The following GNG12 variants were observed in gnomAD, a reference collection of about 807,000 sequenced individuals.
The protein encoded by GNG12 is guanine nucleotide-binding protein G(I)/G(S)/G(O) subunit gamma-12.
For synonymous variants in GNG12, 28 were observed against 29.7 expected (o/e 0.94, Z 0.19); for missense variants, 69 against 83.8 (o/e 0.82, Z 0.69).
intron 2 of GNG12, 181 bp downstream of exon 2, chr1:67,777,277 A>G (rs1318615291): frequency 2.0e-5 from 3 of 152,350 alleles, no homozygotes; most frequent in African/African-American, 7.2e-5. Context: ...TTACAAAGGA[A>G]CATGGGTTGC....
chr1:67,827,276 C>T lies in GNG12; in HGVS notation c.-77+6068G>A, dbSNP rs139281854. Reference sequence around the variant, plus strand: ...GCATACAGAATACAAAGCCTTCTGACTCTCTGGGCCCAAAGTCACCCACTT... The same window carrying T: ...GCATACAGAATACAAAGCCTTCTGATTCTCTGGGCCCAAAGTCACCCACTT... On this transcript the variant is annotated intron_variant, in intron 1 of 3. Coordinates refer to ENST00000370982, the MANE Select transcript of GNG12 (RefSeq NM_018841.6). Among the ~76,000 whole-genome samples the T allele has an allele frequency of 3.7e-3, 560 of 152,284 alleles. 3 individuals carry two copies. Among genetic ancestry groups the T allele is most frequent in the African/African-American group, 0.013 (542 of 41,562 alleles).
chr1:67,746,920 T>C (rs947339928), intron 2 of GNG12, among the ~76,000 whole-genome samples: 1 of 151,870 alleles, frequency 6.6e-6, no homozygotes, highest in Non-Finnish European at 1.5e-5. Flanking sequence ...GCAAATAATA[T>C]ACTTTAAAAG....
intron 2 of GNG12, among the ~76,000 whole-genome samples, chr1:67,766,861 C>A (rs559757161): frequency 1.3e-5 from 2 of 152,228 alleles, no homozygotes; most frequent in South Asian, 2.1e-4. Context: ...TTCCCCCTCA[C>A]GGAAAGGGTT....
intron 1 of GNG12, among the ~76,000 whole-genome samples, chr1:67,782,405 C>T (rs1646742889): frequency 6.6e-6 from 1 of 152,018 alleles, no homozygotes; most frequent in African/African-American, 2.4e-5. Context: ...AATGGTACAC[C>T]CCGAAAGGTT....
intron 2 of GNG12, among the ~76,000 whole-genome samples, chr1:67,772,935 T>C (rs893035252): frequency 2.6e-5 from 4 of 152,214 alleles, no homozygotes; most frequent in East Asian, 1.9e-4. Flanking sequence ...AGGGAGAGCA[T>C]GTCTGAGAAT....
intron 1 of GNG12, among the ~76,000 whole-genome samples, chr1:67,780,449 TCCC>T (rs1452359219): frequency 6.6e-6 from 1 of 152,148 alleles, no homozygotes; most frequent in Non-Finnish European, 1.5e-5. Context: ...TATTGGTTTC[TCCC>T]CCAACAGGTT....
chr1:67,764,762 G>C (rs1267903462), intron 2 of GNG12, among the ~76,000 whole-genome samples: 1 of 152,128 alleles, frequency 6.6e-6, no homozygotes, highest in African/African-American at 2.4e-5. Context: ...AAGGAAGATG[G>C]GTGTTCATGC....
At chr1:67,718,596 C>A (rs1646339948) in intron 2 of GNG12, among the ~76,000 whole-genome samples, 1 of 152,002 alleles carries the variant, frequency 6.6e-6, no homozygotes, top group Non-Finnish European at 1.5e-5. Flanking sequence ...ACCCCCACCC[C>A]CAACCCATTT....
chr1:67,828,175 G>A (rs1647021940), intron 1 of GNG12, among the ~76,000 whole-genome samples: 1 of 152,174 alleles, frequency 6.6e-6, no homozygotes, highest in African/African-American at 2.4e-5. Context: ...GGGCCTTTGT[G>A]TGCGCTTCAG....
At chr1:67,798,236 C>T (rs947246351) in intron 1 of GNG12, among the ~76,000 whole-genome samples, 4 of 152,084 alleles carry the variant, frequency 2.6e-5, no homozygotes, top group Admixed American at 6.5e-5. Context: ...GTGGACTCAG[C>T]GGCAGCATCA....
chr1:67,749,251 C>T (rs866829362), intron 2 of GNG12, among the ~76,000 whole-genome samples: 1 of 152,150 alleles, frequency 6.6e-6, no homozygotes, highest in African/African-American at 2.4e-5. Context: ...ATGGATAGGT[C>T]GCTTAACCTT....
At chr1:67,773,287 C>A (rs2100757262) in intron 2 of GNG12, among the ~76,000 whole-genome samples, 1 of 152,302 alleles carries the variant, frequency 6.6e-6, no homozygotes, top group Middle Eastern at 3.4e-3. Flanking sequence ...TATTCCCTAT[C>A]ATTCTCGGCA....
Position 67,780,301 on chromosome 1 carries a change from A to C in GNG12, c.-76-2794T>G, listed in dbSNP as rs552994660. Among the ~76,000 whole-genome samples the C allele has an allele frequency of 5.9e-5, 9 of 152,336 alleles. No homozygotes were observed. The South Asian group carries it at 1.7e-3, about 28-fold the overall frequency. On this transcript the variant is annotated intron_variant, in intron 1 of 3. Transcript: ENST00000370982. ...AGGTTACATGGCTTGTAAGTGGCAG[A>C]GTCAAATTGTAAACCCAGACAATTT...
intron 2 of GNG12, among the ~76,000 whole-genome samples, chr1:67,730,487 A>C (rs2100698822): frequency 6.6e-6 from 1 of 152,326 alleles, no homozygotes; most frequent in East Asian, 1.9e-4. Context: ...CCTGGTCAAC[A>C]GAGCAAGACG....
At chr1:67,717,705 G>A (rs1280345215) in intron 2 of GNG12, among the ~76,000 whole-genome samples, 2 of 152,106 alleles carry the variant, frequency 1.3e-5, no homozygotes, top group Admixed American at 1.3e-4. Context: ...ATTGCTTTCT[G>A]AAAAGCATCT....
chr1:67,735,873 A>G (rs3766266), intron 2 of GNG12, among the ~76,000 whole-genome samples: 13,810 of 152,234 alleles, frequency 0.091, 653 homozygotes, highest in Admixed American at 0.11. Context: ...AATAGTTCAG[A>G]CAGAAAGTAT....
At chr1:67,796,696 CA>C (rs1646833280) in intron 1 of GNG12, among the ~76,000 whole-genome samples, 1 of 152,072 alleles carries the variant, frequency 6.6e-6, no homozygotes, top group African/African-American at 2.4e-5. Flanking sequence ...TAGGTAAAGT[CA>C]ATTACTTAAT....
chr1:67,770,635 C>G (rs1646668491), intron 2 of GNG12, among the ~76,000 whole-genome samples: 1 of 152,100 alleles, frequency 6.6e-6, no homozygotes, highest in South Asian at 2.1e-4. Flanking sequence ...GAGGAGAGAA[C>G]CACCCAAATC....
At chr1:67,780,753 AGAAGCAACTC>A (rs1323792572) in intron 1 of GNG12, among the ~76,000 whole-genome samples, 1 of 152,208 alleles carries the variant, frequency 6.6e-6, no homozygotes, top group Non-Finnish European at 1.5e-5. Context: ...CAGAGGGAGA[AGAAGCAACTC>A]GGAGCAACTC....
Sources: gnomAD v4.1 joint callset for allele counts (sites outside exome capture counted in the v4.1 genomes callset) on GRCh38, gnomAD v4.1.1 for gene constraint, MANE v1.5 for transcripts, NCBI Gene and HGNC (gene_info 2026-07-23, HGNC 2026-07-21) for gene names.